Variants in HS3ST3A1 observed in about 807,000 individuals in gnomAD.
HS3ST3A1 encodes the protein heparan sulfate-glucosamine 3-sulfotransferase 3A1.
A neutral mutation model predicts 25.7 loss-of-function variants in HS3ST3A1; 19 were observed. The observed-to-expected ratio is 0.74, with a 90% CI of 0.52 to 1.08. The LOEUF is 1.08. Ranked by LOEUF, HS3ST3A1 falls within the 50% of genes least tolerant of loss-of-function variation. HS3ST3A1 has a pLI of 0.00. For synonymous variants in HS3ST3A1, 226 were observed against 278.6 expected (o/e 0.81, Z 1.88); for missense variants, 459 against 594.3 (o/e 0.77, Z 2.37).
chr17:13,588,004 A>T (rs1463227203), intron 1 of HS3ST3A1, among the ~76,000 whole-genome samples: 1 of 152,204 alleles, frequency 6.6e-6, no homozygotes, highest in Non-Finnish European at 1.5e-5. Context: ...CATCAATATT[A>T]GCTGCGGGTG....
intron 1 of HS3ST3A1, among the ~76,000 whole-genome samples, chr17:13,554,000 C>G (rs531330656): frequency 2.0e-5 from 3 of 152,164 alleles, no homozygotes; most frequent in Admixed American, 2.0e-4. Context: ...CAGGAGTCTG[C>G]AAGGAAAATT....
At chr17:13,541,005 T>C (rs972241085) in intron 1 of HS3ST3A1, among the ~76,000 whole-genome samples, 1 of 152,266 alleles carries the variant, frequency 6.6e-6, no homozygotes, top group Non-Finnish European at 1.5e-5. Context: ...AATCTATTTA[T>C]GTATTGTGAT....
Position 13,501,865 on chromosome 17 carries a change from C to A in HS3ST3A1, c.600-5047G>T, listed in dbSNP as rs540629902. Among the ~76,000 whole-genome samples, 54 of 152,312 alleles carry A rather than the reference C, an allele frequency of 3.5e-4. No individual in the cohort carries two copies. In the South Asian group the frequency reaches 1.0e-2, roughly 28 times the overall value. ...TTTGCCATGTTCCTGACACACCTGA[C>A]CATTTGTCATTCAGACAGTGAGGAT... On this transcript the variant is annotated intron_variant, in intron 1 of 1. Coordinates refer to ENST00000284110, the MANE Select transcript of HS3ST3A1 (RefSeq NM_006042.3).
intron 1 of HS3ST3A1, among the ~76,000 whole-genome samples, chr17:13,586,660 G>T (rs1908275100): frequency 6.6e-6 from 1 of 151,550 alleles, no homozygotes; most frequent in African/African-American, 2.4e-5. Context: ...GAGGTCAGCA[G>T]ATTGCAACCA....
chr17:13,556,482 TAGGCGACAGAGCGAGAC>T (rs1907377705), intron 1 of HS3ST3A1, among the ~76,000 whole-genome samples: 1 of 144,658 alleles, frequency 6.9e-6, no homozygotes, highest in Non-Finnish European at 1.5e-5. Context: ...CACTCCAGCC[TAGGCGACAGAGCGAGAC>T]TTTGTCTCAA....
intron 1 of HS3ST3A1, among the ~76,000 whole-genome samples, chr17:13,591,202 C>T (rs62053915): frequency 0.14 from 20,975 of 151,718 alleles, 1,512 homozygotes; most frequent in East Asian, 0.19. Flanking sequence ...ATGGCCACCA[C>T]ACCCGGCTAA....
intron 1 of HS3ST3A1, among the ~76,000 whole-genome samples, chr17:13,526,273 A>G (rs1473234232): frequency 1.3e-5 from 2 of 151,808 alleles, no homozygotes; most frequent in African/African-American, 4.8e-5. Flanking sequence ...TGTCGCCTCA[A>G]TCCAGACTTC....
At chr17:13,578,298 A>G (rs1363416822) in intron 1 of HS3ST3A1, among the ~76,000 whole-genome samples, 1 of 151,322 alleles carries the variant, frequency 6.6e-6, no homozygotes, top group African/African-American at 2.4e-5. Context: ...CTGTAATCTC[A>G]GAGCTTTGTG....
intron 1 of HS3ST3A1, among the ~76,000 whole-genome samples, chr17:13,591,871 G>A (rs1245538319): frequency 2.0e-5 from 3 of 151,986 alleles, no homozygotes; most frequent in African/African-American, 7.3e-5. Flanking sequence ...TGTTGGCCAG[G>A]CTGGTCTCGA....
intron 1 of HS3ST3A1, among the ~76,000 whole-genome samples, chr17:13,548,814 A>G (rs1907161810): frequency 6.6e-6 from 1 of 152,128 alleles, no homozygotes; most frequent in Admixed American, 6.5e-5. Context: ...ACTCTGTAAA[A>G]AATGCACCAA....
At chr17:13,555,072 G>A (rs964665575) in intron 1 of HS3ST3A1, among the ~76,000 whole-genome samples, 5 of 152,000 alleles carry the variant, frequency 3.3e-5, no homozygotes, top group Admixed American at 6.5e-5. Flanking sequence ...GGTGTCCCAC[G>A]CTACCTACCT....
At chr17:13,585,856 T>C (rs947029930) in intron 1 of HS3ST3A1, among the ~76,000 whole-genome samples, 2 of 141,086 alleles carry the variant, frequency 1.4e-5, no homozygotes, top group African/African-American at 5.3e-5. Context: ...TTTTTTTTTT[T>C]TTTTTTTTTT....
At chr17:13,558,882 C>G (rs1397835195) in intron 1 of HS3ST3A1, among the ~76,000 whole-genome samples, 1 of 152,128 alleles carries the variant, frequency 6.6e-6, no homozygotes, top group Non-Finnish European at 1.5e-5. Context: ...AACCACAATG[C>G]TACTGAAAAG....
chr17:13,569,483 C>T (rs936765787), intron 1 of HS3ST3A1, among the ~76,000 whole-genome samples: 1 of 152,186 alleles, frequency 6.6e-6, no homozygotes, highest in Non-Finnish European at 1.5e-5. Flanking sequence ...TGCATTGCTG[C>T]GAGACATGGC....
intron 1 of HS3ST3A1, among the ~76,000 whole-genome samples, chr17:13,548,791 C>T (rs1907160668): frequency 6.6e-6 from 1 of 152,146 alleles, no homozygotes; most frequent in Admixed American, 6.5e-5. Flanking sequence ...GGTTTATAAA[C>T]ACACCAATCA....
At chr17:13,499,136 G>A (rs536247264) in intron 1 of HS3ST3A1, among the ~76,000 whole-genome samples, 2 of 152,244 alleles carry the variant, frequency 1.3e-5, no homozygotes, top group Admixed American at 1.3e-4. Context: ...GTAAGAGTAC[G>A]TGAACACCAG....
chr17:13,568,427 T>A (rs2142371211), intron 1 of HS3ST3A1, among the ~76,000 whole-genome samples: 1 of 152,340 alleles, frequency 6.6e-6, no homozygotes, highest in Admixed American at 6.5e-5. Flanking sequence ...ATGCCTGGAC[T>A]ATGTTTTTCT....
chr17:13,595,331 CA>C, intron 1 of HS3ST3A1, among the ~76,000 whole-genome samples: 1 of 152,224 alleles, frequency 6.6e-6, no homozygotes, highest in East Asian at 1.9e-4. Context: ...CTTCCCTACT[CA>C]GGATGTCCAA....
intron 1 of HS3ST3A1, among the ~76,000 whole-genome samples, chr17:13,565,538 ATAAATAAG>A (rs1227562871): frequency 7.7e-6 from 1 of 129,684 alleles, no homozygotes; most frequent in Non-Finnish European, 1.9e-5. Context: ...TCTCAAAAAA[ATAAATAAG>A]TAAGTAAAAT....
Sources: allele counts gnomAD v4.1 joint callset (sites outside exome capture counted in the v4.1 genomes callset), GRCh38; gene constraint gnomAD v4.1.1; transcripts MANE v1.5; gene names NCBI Gene and HGNC (gene_info 2026-07-23, HGNC 2026-07-21).